The following AHRR variants were observed in gnomAD, a reference collection of about 807,000 sequenced individuals.
AHRR encodes ahR repressor.
Under a neutral mutation model 44.0 loss-of-function variants are expected in AHRR, and 28 were observed. The observed-to-expected ratio is 0.64, with a 90% confidence interval of 0.47 to 0.87. The LOEUF (loss-of-function observed/expected upper bound fraction) is 0.87, where lower values mean the gene tolerates loss of function less well. Ranked by LOEUF, AHRR falls within the 40% of genes least tolerant of loss-of-function variation. The pLI, the probability that AHRR is intolerant of heterozygous loss-of-function variation, is 0.00. For synonymous variants in AHRR, 434 were observed against 407.0 expected (o/e 1.07, Z -0.80); for missense variants, 990 against 953.9 (o/e 1.04, Z -0.50).
chr5:391,472 G>A (rs1329643534), intron 4 of AHRR, among the ~76,000 whole-genome samples: 1 of 102,356 alleles, frequency 9.8e-6, no homozygotes, highest in East Asian at 2.6e-4. Flanking sequence ...GAGCGTGCAC[G>A]GGGGCAGGGC....
rs1736896098 is a variant in AHRR at position 434,409 on chromosome 5, G to A, written c.1669G>A (p.Ala557Thr). 6.2e-7 allele frequency: 1 copy of A among 1,613,356 alleles called. No individual in the cohort carries two copies. The highest frequency in any genetic ancestry group is 1.1e-5 in the South Asian group (1 of 91,082). The stretch of plus-strand genomic sequence containing the variant: ...TGTGCCCAGCCAGGTGTGGCTGGGG[G>A]CCAGTGACAGGAGCCACCCAGCCAC... The part of the protein sequence containing the change: ...GCVPSQVWLG[A>T]SDRSHPATFP... The change falls in exon 11 of 11, where the codon GCC (alanine) becomes ACC (threonine). Residue 557 changes from alanine (A) to threonine (T), a missense_variant. Ala to Thr is a moderately conservative substitution (Grantham distance 58). Transcript: ENST00000684583.
In AHRR at chr5:432,941, G is replaced by T. The variant is rs2303738; in HGVS notation, c.1106G>T (p.Gly369Val). 0.015 allele frequency: 24,623 copies of T among 1,603,506 alleles called. 419 individuals are homozygous for T. Among genetic ancestry groups the T allele is most frequent in the Admixed American group, 0.063 (3,687 of 58,856 alleles). ...GPDLVLDPKG[G>V]SGDREEEQHR... The stretch of plus-strand genomic sequence containing the variant: ...GACCTTGTCCTTGACCCCAAGGGGG[G>T]CTCAGGGTAAGTGGTGCCAGGCAGC... The change falls in exon 10 of 11, where the codon GGC becomes GTC. Residue 369 changes from glycine to valine, a missense_variant. By Grantham distance (109) the Gly-to-Val change is moderately radical. Coordinates refer to ENST00000684583, the MANE Select transcript of AHRR (RefSeq NM_001377236.1).
At chr5:376,537 G>T (rs1733675976) in intron 3 of AHRR, 73 bp from the exon 4 acceptor site, 14 of 1,474,402 alleles carry the variant, frequency 9.5e-6, no homozygotes, top group Middle Eastern at 1.8e-4. Context: ...GGAAACACAG[G>T]AAAGATGTGA....
chr5:367,986 ATG>A (rs1474510188), intron 3 of AHRR: 1 of 699,792 alleles, frequency 1.4e-6, no homozygotes, highest in Non-Finnish European at 2.6e-6. Context: ...GCCTGTAGTG[ATG>A]TGTGAGGACA....
Position 338,628 on chromosome 5 carries a change from AC to A in AHRR, c.-10-5262del, listed in dbSNP as rs1289923967. 6.6e-5 allele frequency among the ~76,000 whole-genome samples: 10 copies of A among 152,066 alleles called. No homozygotes were observed. The highest frequency in any genetic ancestry group is 5.9e-5 in the Non-Finnish European group (4 of 68,012). ...AGGCCAAGGTGGGTGAATTGCTTGAACCCAGGAGTTCAAGGCCAGACTGGGC... is the reference window on the plus strand; with the variant it reads ...AGGCCAAGGTGGGTGAATTGCTTGAACCAGGAGTTCAAGGCCAGACTGGGC... On this transcript the variant is annotated intron_variant, in intron 1 of 10. Coordinates refer to ENST00000684583, the MANE Select transcript of AHRR (RefSeq NM_001377236.1). The surrounding 1 kb of genome is among the most constrained non-coding windows in gnomAD (Gnocchi z 4.1).
chr5:341,806 TA>T (rs1220695757), intron 1 of AHRR, among the ~76,000 whole-genome samples: 1 of 152,256 alleles, frequency 6.6e-6, no homozygotes, highest in African/African-American at 2.4e-5. Context: ...GATCTTATTT[TA>T]GACCTTTTAT....
intron 4 of AHRR, chr5:403,664 TTAAA>T: frequency 3.2e-6 from 2 of 622,032 alleles, no homozygotes; most frequent in Non-Finnish European, 5.4e-6. Flanking sequence ...AGTAACCACT[TTAAA>T]TAGTTAAAAT....
At chr5:348,901 CA>C (rs1189916822) in intron 2 of AHRR, among the ~76,000 whole-genome samples, 1 of 152,202 alleles carries the variant, frequency 6.6e-6, no homozygotes, top group African/African-American at 2.4e-5. Context: ...TAACTGTTTC[CA>C]AAGCAGTGGT....
rs997064748 is a variant in AHRR at position 406,129 on chromosome 5, G to T, written c.352-7215G>T. On this transcript the variant is annotated intron_variant, in intron 4 of 10. Coordinates refer to ENST00000684583, the MANE Select transcript of AHRR (RefSeq NM_001377236.1). The surrounding 1 kb of genome is among the most constrained non-coding windows in gnomAD (Gnocchi z 4.7). Reference sequence around the variant, plus strand: ...GAGAAAACGGGAAAGGAAAGGCATTGTCCGGAAGAAGCCTCTTGCAGTGTG... The same window carrying T: ...GAGAAAACGGGAAAGGAAAGGCATTTTCCGGAAGAAGCCTCTTGCAGTGTG... Among the ~76,000 whole-genome samples, 5 of 152,354 alleles carry T rather than the reference G, an allele frequency of 3.3e-5. No individual in the cohort carries two copies. The highest frequency in any genetic ancestry group is 7.3e-5 in the Non-Finnish European group (5 of 68,028).
At chr5:334,567 G>A (rs1411326322) in intron 1 of AHRR, among the ~76,000 whole-genome samples, 3 of 151,680 alleles carry the variant, frequency 2.0e-5, no homozygotes, top group African/African-American at 7.3e-5. Context: ...TATCTCCTTG[G>A]TAAATATCTC....
At chr5:362,719 A>T (rs1158598840) in intron 3 of AHRR, among the ~76,000 whole-genome samples, 1 of 152,188 alleles carries the variant, frequency 6.6e-6, no homozygotes, top group Non-Finnish European at 1.5e-5. Flanking sequence ...ATCACTCTTG[A>T]TTATTTTAGG....
At chr5:397,072 C>T (rs1217811513) in intron 4 of AHRR, among the ~76,000 whole-genome samples, 395 of 100,970 alleles carry the variant, frequency 3.9e-3, no homozygotes, top group African/African-American at 0.03. Context: ...TCCACGTAGC[C>T]CCTGACCATC....
rs1735974497 is a variant in AHRR at position 419,526 on chromosome 5, G to GT, written c.442-3202dup. Among the ~76,000 whole-genome samples the GT allele has an allele frequency of 6.6e-6, 1 of 152,190 alleles. No homozygotes were observed. The highest frequency in any genetic ancestry group is 6.5e-5 in the Admixed American group (1 of 15,286). ...GAAGAAATTAGGGATGGCAGCAAGT[G>GT]TAAGGGGAATGTTGCTTGCCTCTGG... On this transcript the variant is annotated intron_variant, in intron 5 of 10. Transcript: ENST00000684583. The surrounding 1 kb of genome is among the most constrained non-coding windows in gnomAD (Gnocchi z 4.4).
chr5:361,173 G>A (rs990196090), intron 3 of AHRR, among the ~76,000 whole-genome samples: 4 of 152,166 alleles, frequency 2.6e-5, no homozygotes, highest in African/African-American at 4.8e-5. Context: ...GCTTGAACCC[G>A]AGGTTGCAGT....
intron 1 of AHRR, among the ~76,000 whole-genome samples, chr5:331,656 C>T (rs1265086421): frequency 6.6e-6 from 1 of 152,124 alleles, no homozygotes; most frequent in African/African-American, 2.4e-5. Flanking sequence ...GTCCATGGCT[C>T]GCTAGGAACC....
intron 7 of AHRR, among the ~76,000 whole-genome samples, chr5:427,475 A>G (rs942906246): frequency 1.3e-5 from 2 of 152,240 alleles, no homozygotes; most frequent in Admixed American, 6.5e-5. Flanking sequence ...GGCAGGTGGC[A>G]GGTCCCACAG....
chr5:430,938 G>A (rs1381624998), intron 8 of AHRR, among the ~76,000 whole-genome samples: 1 of 152,122 alleles, frequency 6.6e-6, no homozygotes, highest in Non-Finnish European at 1.5e-5. Context: ...AGAAGTAAAT[G>A]CTACATAGGT....
At chr5:377,360 T>C (rs1472126266) in intron 4 of AHRR, among the ~76,000 whole-genome samples, 2 of 151,902 alleles carry the variant, frequency 1.3e-5, no homozygotes, top group Non-Finnish European at 2.9e-5. Flanking sequence ...ATGAAGGGGG[T>C]TGCTGCCTCC....
Position 423,997 on chromosome 5 carries a change from G to T in AHRR, c.708+20G>T. 1.3e-6 allele frequency: 2 copies of T among 1,590,070 alleles called. No individual in the cohort carries two copies. The highest frequency in any genetic ancestry group is 1.7e-6 in the Non-Finnish European group (2 of 1,173,634). ...TTCCTGGTGAGTGCGTGGGTCCCTG[G>T]CAGGGGGCTCCCGACATCTGGGATG... On this transcript the variant is annotated intron_variant, in intron 7 of 10. Transcript: ENST00000684583.
Sources: allele counts gnomAD v4.1 joint callset (sites outside exome capture counted in the v4.1 genomes callset), GRCh38; gene constraint gnomAD v4.1.1; non-coding constraint Gnocchi (gnomAD v3.1); transcripts MANE v1.5; gene names NCBI Gene and HGNC (gene_info 2026-07-23, HGNC 2026-07-21).